The following PTPRS variants were observed in gnomAD, a reference collection of about 807,000 sequenced individuals.
The protein encoded by PTPRS is protein tyrosine phosphatase receptor type S.
Under a neutral mutation model 215.3 loss-of-function variants are expected in PTPRS, and 63 were observed. The observed-to-expected ratio is 0.29, with a 90% confidence interval of 0.24 to 0.36. PTPRS has a LOEUF of 0.36. PTPRS is among the 10% of genes least tolerant of loss of function. PTPRS has a pLI of 1.00. For missense variants in PTPRS, 2,258 were observed against 2,825.8 expected (o/e 0.80, Z 4.56); for synonymous variants, 1,404 against 1,191.4 (o/e 1.18, Z -3.68).
intron 1 of PTPRS, among the ~76,000 whole-genome samples, chr19:5,301,581 G>A (rs1206422056): frequency 6.6e-6 from 1 of 151,818 alleles, no homozygotes; most frequent in Admixed American, 6.6e-5. Context: ...CTCCCAAAGT[G>A]CCAGGATTAC....
rs752222706 is a variant in PTPRS, at chr19:5,220,010, C to T, written c.3694G>A (p.Asp1232Asn). The T allele has an allele frequency of 1.2e-5, 20 of 1,613,548 alleles. No individual in the cohort carries two copies. Among genetic ancestry groups the T allele is most frequent in the East Asian group, 8.9e-5 (4 of 44,884 alleles). ...TGGCCGGGCTCCAGGCCCCGGTTAT[C>T]GAAGCCGCCATACTGCTTCTGGTCG... is the stretch of plus-strand genomic sequence containing the variant. ...PGDQKQYGGF[D>N]NRGLEPGHRY... The change falls in exon 22 of 38, where the codon GAT (aspartate) becomes AAT (asparagine). Residue 1232 changes from aspartate to asparagine, a missense_variant. Around this residue, in one of 6 missense-constraint regions of PTPRS, gnomAD observed 927 missense variants for 1,125.9 expected, o/e 0.82. Transcript: ENST00000262963.
chr19:5,210,947 G>T lies in PTPRS; in HGVS notation c.5235-142C>A. On this transcript the variant is annotated intron_variant, in intron 33 of 37. Coordinates refer to ENST00000262963, the MANE Select transcript of PTPRS (RefSeq NM_002850.4). This position sits in a 1 kb window ranked among gnomAD's most constrained non-coding sequence, Gnocchi z 4.5. ...TGCCTGCCAGGAATGGCTGCTGGGT[G>T]CACCACTTCCCCTCCTGGTGATCCC... is the stretch of plus-strand genomic sequence containing the variant. 1 of 1,157,808 alleles carries T rather than the reference G, an allele frequency of 8.6e-7. No individual in the cohort carries two copies. The highest frequency in any genetic ancestry group is 1.2e-6 in the Non-Finnish European group (1 of 842,194). 71.7% of individuals were successfully genotyped at this position (1,157,808 alleles called of 1,614,324 possible).
At chr19:5,223,409 T>TG (rs34962301) in intron 17 of PTPRS, 112 bp from the exon 18 acceptor site, 476,644 of 1,103,134 alleles carry the variant, frequency 0.43, 96,351 homozygotes, top group East Asian at 0.55. Context: ...TTTTTTGAGT[T>TG]GGGGGGGGTC....
intron 4 of PTPRS, chr19:5,273,239 C>T (rs2146577092): frequency 6.2e-6 from 4 of 643,314 alleles, no homozygotes; most frequent in Non-Finnish European, 1.1e-5. Flanking sequence ...CTCTCAATTC[C>T]TTTCTTTCTT....
rs947707409 is a variant in PTPRS at position 5,257,329 on chromosome 19, C to T, written c.706+688G>A. ...ATTGGAAACTGAGAGTAACAAGCTTCGCTGGGTGCCGTGCCTGCCCCAGCT... is the reference window on the plus strand; with the variant it reads ...ATTGGAAACTGAGAGTAACAAGCTTTGCTGGGTGCCGTGCCTGCCCCAGCT... On this transcript the variant is annotated intron_variant, in intron 8 of 37. Transcript: ENST00000262963. The surrounding 1 kb of genome is among the most constrained non-coding windows in gnomAD (Gnocchi z 4.4). 22 of 431,082 alleles carry T rather than the reference C, an allele frequency of 5.1e-5. No individual in the cohort carries two copies. The highest frequency in any genetic ancestry group is 1.5e-4 in the East Asian group (2 of 13,752). The allele number at this position is 431,082 out of a possible 1,614,324, so 26.7% of individuals were successfully genotyped here.
rs751184914 is a variant in PTPRS at position 5,231,536 on chromosome 19, C to T, written c.1929G>A (p.Pro643=). The T allele has an allele frequency of 4.3e-6, 7 of 1,610,466 alleles. No individual in the cohort carries two copies. Among genetic ancestry groups the T allele is most frequent in the East Asian group, 2.2e-5 (1 of 44,768 alleles). The change falls in exon 14 of 38, where the codon CCG becomes CCA. Residue 643 remains proline (P), a synonymous_variant. Transcript: ENST00000262963. ...CCAGGGCCCCGTTGTGCGTTTCCGG[C>T]GGCGGCGGGCGCCAACTTACCAAAA... ...TAILVSWRPP[P]PETHNGALVG...
intron 9 of PTPRS, among the ~76,000 whole-genome samples, chr19:5,248,213 T>TG (rs1568475712): frequency 6.6e-6 from 1 of 151,432 alleles, no homozygotes; most frequent in African/African-American, 2.4e-5. Context: ...GAAATGAGCG[T>TG]GGGGGGAGCT....
At chr19:5,340,035 C>T (rs1044152826) in intron 1 of PTPRS, among the ~76,000 whole-genome samples, 3 of 151,784 alleles carry the variant, frequency 2.0e-5, no homozygotes, top group Non-Finnish European at 4.4e-5. Context: ...ACGACAGGGC[C>T]CGGAGTGTTC....
chr19:5,220,468 T>C, intron 20 of PTPRS, 115 bp from the exon 21 acceptor site: 2 of 885,948 alleles, frequency 2.3e-6, no homozygotes, highest in South Asian at 1.5e-5. Flanking sequence ...GTTCATACAA[T>C]GAGCCTATTC....
At chr19:5,277,481 C>T (rs2047480573) in intron 2 of PTPRS, among the ~76,000 whole-genome samples, 2 of 151,742 alleles carry the variant, frequency 1.3e-5, no homozygotes, top group African/African-American at 4.8e-5. Context: ...TGGTGAAAAC[C>T]CCATCTCTAC....
At chr19:5,265,306 G>T in intron 4 of PTPRS, 110 bp from the exon 5 acceptor site, 1 of 1,017,134 alleles carries the variant, frequency 9.8e-7, no homozygotes, top group Non-Finnish European at 1.4e-6. Context: ...CTCCCTGGCT[G>T]CGTGACCTCA....
intron 1 of PTPRS, among the ~76,000 whole-genome samples, chr19:5,328,917 G>A (rs1167932956): frequency 6.6e-6 from 1 of 152,186 alleles, no homozygotes; most frequent in East Asian, 1.9e-4. Context: ...TGCCGAGGCA[G>A]GGCTTTCCCC....
chr19:5,225,955 G>A, intron 16 of PTPRS, 111 bp from the exon 17 acceptor site: 2 of 840,198 alleles, frequency 2.4e-6, no homozygotes, highest in Non-Finnish European at 3.9e-6. Flanking sequence ...CGGATCAGGG[G>A]TGGAGACGTG....
intron 1 of PTPRS, among the ~76,000 whole-genome samples, chr19:5,310,816 C>G (rs1350703037): frequency 6.6e-6 from 1 of 152,148 alleles, no homozygotes. Flanking sequence ...AGTGATCCTC[C>G]CACCTCAGCC....
intron 16 of PTPRS, 126 bp from the exon 17 acceptor site, chr19:5,225,970 T>C (rs10423783): frequency 0.085 from 62,641 of 741,254 alleles, 3,915 homozygotes; most frequent in African/African-American, 0.27. Flanking sequence ...GACGTGCACA[T>C]GAGCTCATGC....
chr19:5,244,587 GC>G lies in PTPRS; in HGVS notation c.989-106del. Reference sequence around the variant, plus strand: ...AGTCGCCTTCTCTGAGCCTTGATTTGCCCAGCAGTAATCATGGGCCTCATGA... The same window carrying G: ...AGTCGCCTTCTCTGAGCCTTGATTTGCCAGCAGTAATCATGGGCCTCATGA... On this transcript the variant is annotated intron_variant, in intron 10 of 37. Coordinates refer to ENST00000262963, the MANE Select transcript of PTPRS (RefSeq NM_002850.4). This position sits in a 1 kb window ranked among gnomAD's most constrained non-coding sequence, Gnocchi z 7.2. 1 of 914,748 alleles carries G rather than the reference GC, an allele frequency of 1.1e-6. No individual in the cohort carries two copies. The highest frequency in any genetic ancestry group is 1.6e-6 in the Non-Finnish European group (1 of 609,334). The allele number at this position is 914,748 out of a possible 1,614,324, so 56.7% of individuals were successfully genotyped here.
intron 1 of PTPRS, among the ~76,000 whole-genome samples, chr19:5,302,901 C>CAA (rs61244607): frequency 0.024 from 2,698 of 112,526 alleles, 44 homozygotes; most frequent in Middle Eastern, 0.045. Flanking sequence ...ACTAAAAATA[C>CAA]AAAAAAAAAA....
In PTPRS at chr19:5,334,852, G is replaced by A. The variant is rs933740433; in HGVS notation, c.-95+5812C>T. On this transcript the variant is annotated intron_variant, in intron 1 of 37. Transcript: ENST00000262963. ...ATAGGGCTCAGATCACAGCAACTCC[G>A]CTGACAGGGGACGGCAGGTTGGAGG... 3.6e-4 allele frequency among the ~76,000 whole-genome samples: 55 copies of A among 152,132 alleles called. 2 individuals are homozygous for A. The highest frequency in any genetic ancestry group is 2.9e-5 in the Non-Finnish European group (2 of 68,022).
Position 5,229,554 on chromosome 19 carries a change from G to A in PTPRS, c.2286C>T (p.Arg762=), listed in dbSNP as rs747920518. The change falls in exon 15 of 38, where the codon CGC becomes CGT. Residue 762 remains arginine (R), a synonymous_variant. Coordinates refer to ENST00000262963, the MANE Select transcript of PTPRS (RefSeq NM_002850.4). The part of the protein sequence containing the change: ...QIRGYQVHYV[R]MEGAEARGPP... ...GCCCGCGGGCCTCGGCGCCCTCCAT[G>A]CGCACGTAGTGGACCTGGTAGCCGC... 6.8e-6 allele frequency: 10 copies of A among 1,465,962 alleles called. No homozygotes were observed. In the South Asian group the frequency reaches 1.3e-4, roughly 19 times the overall value. The allele number at this position is 1,465,962 out of a possible 1,614,324, so 90.8% of individuals were successfully genotyped here. A position where few individuals can be genotyped will look rare whatever the true frequency, so the allele number is the denominator to read the frequency against.
Sources: allele counts gnomAD v4.1 joint callset (sites outside exome capture counted in the v4.1 genomes callset), GRCh38; gene constraint gnomAD v4.1.1; regional missense constraint gnomAD v4.1.1; non-coding constraint Gnocchi (gnomAD v3.1); transcripts MANE v1.5; gene names NCBI Gene and HGNC (gene_info 2026-07-23, HGNC 2026-07-21).